CLTCL1: variants seen among roughly 807,000 people sequenced by gnomAD.
CLTCL1 encodes clathrin heavy chain 2.
A neutral mutation model predicts 190.0 loss-of-function variants in CLTCL1; 159 were observed. That is an observed-to-expected ratio of 0.84 (90% CI 0.74 to 0.95). The LOEUF is 0.95. CLTCL1 is among the 40% of genes least tolerant of loss of function. The pLI is 0.00. For missense variants in CLTCL1, 1,878 were observed against 2,033.4 expected, an observed-to-expected ratio of 0.92 and a Z score of 1.47; for synonymous variants, 752 against 769.6, an observed-to-expected ratio of 0.98 and a Z score of 0.38.
intron 31 of CLTCL1, 79 bp from the exon 32 acceptor site, chr22:19,180,317 T>C (rs377367286): frequency 1.4e-6 from 2 of 1,431,062 alleles, no homozygotes; most frequent in Non-Finnish European, 2.0e-6. Context: ...TGCTGCACAC[T>C]CACACCACAC....
chr22:19,266,626 T>C (rs1369378825), intron 2 of CLTCL1, among the ~76,000 whole-genome samples: 3 of 152,100 alleles, frequency 2.0e-5, no homozygotes, highest in African/African-American at 4.8e-5. Flanking sequence ...AAGAAAACTA[T>C]AGACCAATTA....
At chr22:19,209,611 G>A (rs1463947733) in intron 20 of CLTCL1, among the ~76,000 whole-genome samples, 1 of 152,194 alleles carries the variant, frequency 6.6e-6, no homozygotes, top group Non-Finnish European at 1.5e-5. Flanking sequence ...GAGCTGGTCT[G>A]TCTCAAAGCA....
intron 1 of CLTCL1, among the ~76,000 whole-genome samples, chr22:19,280,756 T>C (rs1270062925): frequency 7.0e-6 from 1 of 142,382 alleles, no homozygotes; most frequent in Admixed American, 7.1e-5. Context: ...GAGGTGGAGG[T>C]TGCAGTGTGC....
chr22:19,260,136 T>C (rs1457054788), intron 2 of CLTCL1, among the ~76,000 whole-genome samples: 1 of 152,138 alleles, frequency 6.6e-6, no homozygotes, highest in Non-Finnish European at 1.5e-5. Context: ...GGTGAAGAAG[T>C]TGCAGAAGTC....
chr22:19,240,851 C>G (rs1389831486), intron 4 of CLTCL1, among the ~76,000 whole-genome samples: 2 of 152,186 alleles, frequency 1.3e-5, no homozygotes, highest in Non-Finnish European at 2.9e-5. Flanking sequence ...AGCAGAGGCA[C>G]AGAAAGGACA....
At chr22:19,235,601 C>T in intron 6 of CLTCL1, 95 bp downstream of exon 6, 2 of 1,193,950 alleles carry the variant, frequency 1.7e-6, no homozygotes, top group South Asian at 1.5e-5. Flanking sequence ...CTATTAATAG[C>T]TACACCCAGC....
intron 2 of CLTCL1, among the ~76,000 whole-genome samples, chr22:19,259,686 A>T (rs116383594): frequency 6.6e-6 from 1 of 152,330 alleles, no homozygotes; most frequent in African/African-American, 2.4e-5. Flanking sequence ...CTGACTGGCC[A>T]TGCCCTAGTC....
Position 19,229,958 on chromosome 22 carries a change from CA to C in CLTCL1, c.1661del (p.Met554ArgfsTer5), listed in dbSNP as rs1555958055. ...ANISQIVDIFMENSLIQQCTS... is the reference protein window; with the variant it reads ...ANISQIVDIFXENSLIQQCTS... ...TACACTGCTGAATTAAACTGTTTTC[CA>C]TGAAAATGTCCACAATCTGAAACAT... On this transcript the variant is annotated frameshift_variant, in exon 11 of 33. Coordinates refer to ENST00000427926, the MANE Select transcript of CLTCL1 (RefSeq NM_007098.4). LOFTEE classifies it high-confidence loss of function. 2 of 1,608,298 alleles carry C rather than the reference CA, an allele frequency of 1.2e-6. No homozygotes were observed. The highest frequency in any genetic ancestry group is 1.7e-6 in the Non-Finnish European group (2 of 1,177,632).
intron 31 of CLTCL1, 59 bp from the exon 32 acceptor site, chr22:19,180,297 C>T: frequency 6.3e-7 from 1 of 1,577,920 alleles, no homozygotes; most frequent in African/African-American, 1.3e-5. Context: ...ACGCTGGAGA[C>T]CCGCCGGCGT....
chr22:19,207,119 C>T (rs1353286297), intron 22 of CLTCL1, among the ~76,000 whole-genome samples: 5 of 144,578 alleles, frequency 3.5e-5, no homozygotes, highest in South Asian at 4.4e-4. Context: ...CGGATTCAAG[C>T]GATTCTCCTG....
intron 13 of CLTCL1, 91 bp downstream of exon 13, chr22:19,225,362 A>T: frequency 7.4e-7 from 1 of 1,359,116 alleles, no homozygotes; most frequent in Non-Finnish European, 9.9e-7. Flanking sequence ...GCTTTGCAGG[A>T]AGGCCGTCTT....
intron 1 of CLTCL1, among the ~76,000 whole-genome samples, chr22:19,285,672 C>T (rs1161340545): frequency 6.6e-6 from 1 of 152,144 alleles, no homozygotes; most frequent in Non-Finnish European, 1.5e-5. Context: ...AGGCCAGCAG[C>T]AGGCCTCAAG....
At position 19,233,627 on chromosome 22, in the gene CLTCL1, T is replaced by A. The variant is rs1555960417; in HGVS notation, c.1168-5A>T. 6.2e-7 allele frequency: 1 copy of A among 1,611,772 alleles called. No individual in the cohort carries two copies. Among genetic ancestry groups the A allele is most frequent in the Non-Finnish European group, 8.5e-7 (1 of 1,179,184 alleles). On this transcript the variant is annotated splice_polypyrimidine_tract_variant and splice_region_variant and intron_variant, in intron 7 of 32. Transcript: ENST00000427926. ...CTCTCTGGTACGCAGGATTCCCTAA[T>A]AATAAATGGAAAAATAGGTCATTGT...
At chr22:19,281,701 T>C (rs1282363269) in intron 1 of CLTCL1, among the ~76,000 whole-genome samples, 6 of 152,208 alleles carry the variant, frequency 3.9e-5, no homozygotes, top group Non-Finnish European at 8.8e-5. Flanking sequence ...GTTTTCTAAA[T>C]TGTCCTTTTG....
At chr22:19,266,427 G>T (rs1350681954) in intron 2 of CLTCL1, among the ~76,000 whole-genome samples, 1 of 152,172 alleles carries the variant, frequency 6.6e-6, no homozygotes, top group Non-Finnish European at 1.5e-5. Context: ...AGTTGAATTT[G>T]AAATTTAAAA....
At chr22:19,205,931 T>TG (rs1399165622) in intron 22 of CLTCL1, among the ~76,000 whole-genome samples, 15 of 149,816 alleles carry the variant, frequency 1.0e-4, no homozygotes, top group East Asian at 1.9e-4. Context: ...CAACCATTGT[T>TG]TTTTTTTTTT....
In CLTCL1 at chr22:19,216,164, CA is replaced by C. The variant is rs1428938051; in HGVS notation, c.3011del (p.Leu1004ArgfsTer8). On this transcript the variant is annotated frameshift_variant, in exon 19 of 33. Transcript: ENST00000427926. LOFTEE classifies it high-confidence loss of function. ...AFMTADLPNE[L>X]IELLEKIVLD... ...GAACTATCTTCTCCAGCAGTTCAATCAGTTCATTAGGCAGGTCGGCTGTCAT... is the reference window on the plus strand; with the variant it reads ...GAACTATCTTCTCCAGCAGTTCAATCGTTCATTAGGCAGGTCGGCTGTCAT... 2 of 1,613,844 alleles carry C rather than the reference CA, an allele frequency of 1.2e-6. No homozygotes were observed. The highest frequency in any genetic ancestry group is 1.7e-6 in the Non-Finnish European group (2 of 1,179,848).
intron 1 of CLTCL1, among the ~76,000 whole-genome samples, chr22:19,278,577 C>G (rs1247861235): frequency 6.6e-6 from 1 of 152,148 alleles, no homozygotes; most frequent in African/African-American, 2.4e-5. Context: ...AACCAGGAAA[C>G]CACATTATCA....
At chr22:19,234,831 A>G (rs1234196409) in intron 6 of CLTCL1, 125 bp from the exon 7 acceptor site, 1 of 851,750 alleles carries the variant, frequency 1.2e-6, no homozygotes, top group Non-Finnish European at 1.9e-6. Context: ...CACACCTGTG[A>G]TGGTGGCCCT....
Sources: allele counts gnomAD v4.1 joint callset (sites outside exome capture counted in the v4.1 genomes callset), GRCh38; gene constraint gnomAD v4.1.1; transcripts MANE v1.5; gene names NCBI Gene and HGNC (gene_info 2026-07-23, HGNC 2026-07-21).